SPTBN5: variants seen among roughly 807,000 people sequenced by gnomAD.
SPTBN5 encodes the protein spectrin beta chain, non-erythrocytic 5.
Under a neutral mutation model 477.6 loss-of-function variants are expected in SPTBN5, and 513 were observed. The ratio of observed to expected loss-of-function variants is 1.07; its 90% CI spans 1.00 to 1.16. The LOEUF (loss-of-function observed/expected upper bound fraction) is 1.16. Among genes scored for constraint, SPTBN5 ranks in the 50% most tolerant of loss-of-function variants. SPTBN5 has a pLI of 0.00. For synonymous variants in SPTBN5, 2,169 were observed against 2,011.7 expected (o/e 1.08, Z -2.09); for missense variants, 5,062 against 4,731.8 (o/e 1.07, Z -2.05).
At position 41,853,646 on chromosome 15, in the gene SPTBN5, G is replaced by C; in HGVS notation, c.9916C>G (p.Arg3306Gly). 1.3e-6 allele frequency: 2 copies of C among 1,594,360 alleles called. No homozygotes were observed. Among genetic ancestry groups the C allele is most frequent in the East Asian group, 2.2e-5 (1 of 44,448 alleles). Residue 3306 changes from arginine to glycine, a missense_variant, in exon 58 of 68, where the codon CGA becomes GGA. Transcript: ENST00000320955. ...GCAGCCTGCGCCAGCCACTGGCCTC[G>C]CTCCTGGGCCTTCGCCTGCAGGGTG... ...WATLQAKAQE[R>G]GQWLAQAAQG...
At chr15:41,882,514 G>A (rs1000774736) in intron 10 of SPTBN5, 45 bp from the exon 11 acceptor site, 1 of 1,572,420 alleles carries the variant, frequency 6.4e-7, no homozygotes, top group Admixed American at 1.8e-5. Flanking sequence ...CAGAACAGGG[G>A]AGGGGGCCGG....
Position 41,877,226 on chromosome 15 carries a change from G to A in SPTBN5, c.3601C>T (p.Gln1201Ter), listed in dbSNP as rs770299845. The A allele has an allele frequency of 2.5e-6, 4 of 1,614,026 alleles. 1 individual carries two copies. The South Asian group carries it at 3.3e-5, about 13-fold the overall frequency. ...QELKVLWEQR[Q>*]QWLQEGLELQ... is the part of the protein sequence containing the mutation. Reference sequence around the variant, plus strand: ...TCCAGCCCCTCTTGCAGCCACTGCTGCCTCTGCTCCCACAAAACCTTCAGC... The same window carrying A: ...TCCAGCCCCTCTTGCAGCCACTGCTACCTCTGCTCCCACAAAACCTTCAGC... The change falls in exon 18 of 68, where the codon CAG (glutamine) becomes TAG (stop). Residue 1201 changes from glutamine to a stop codon, truncating the protein, a stop_gained. Coordinates refer to ENST00000320955, the MANE Select transcript of SPTBN5 (RefSeq NM_016642.4). LOFTEE classifies it high-confidence loss of function.
chr15:41,857,952 G>C (rs2065977230), intron 49 of SPTBN5, among the ~76,000 whole-genome samples: 1 of 152,194 alleles, frequency 6.6e-6, no homozygotes, highest in Non-Finnish European at 1.5e-5. Context: ...ATATCAGAGG[G>C]AGCCAGCCTG....
In SPTBN5 at chr15:41,875,598, T is replaced by A; in HGVS notation, c.4147A>T (p.Arg1383Trp). Residue 1383 changes from arginine to tryptophan, a missense_variant, in exon 22 of 68, where the codon AGG (arginine) becomes TGG (tryptophan). Coordinates refer to ENST00000320955, the MANE Select transcript of SPTBN5 (RefSeq NM_016642.4). ...QQVGRELLSR[R>W]PCGQEDIQTR... Reference sequence around the variant, plus strand: ...TGTATGTCCTCCTGGCCACAGGGCCTCCTACTCAACAGCTCTCTCCCAACC... The same window carrying A: ...TGTATGTCCTCCTGGCCACAGGGCCACCTACTCAACAGCTCTCTCCCAACC... 1 of 1,597,804 alleles carries A rather than the reference T, an allele frequency of 6.3e-7. No homozygotes were observed. The highest frequency in any genetic ancestry group is 1.3e-5 in the African/African-American group (1 of 74,770).
In SPTBN5 at chr15:41,882,983, G is replaced by T; in HGVS notation, c.1892+13C>A. ...GTTCTGGGAAAGGTGGAAGAGTTGG[G>T]GCAGGCTCTTACCGGGCCCTGACAA... On this transcript the variant is annotated intron_variant, in intron 9 of 67. Coordinates refer to ENST00000320955, the MANE Select transcript of SPTBN5 (RefSeq NM_016642.4). 1 of 1,530,534 alleles carries T rather than the reference G, an allele frequency of 6.5e-7. No homozygotes were observed. Among genetic ancestry groups the T allele is most frequent in the Non-Finnish European group, 8.8e-7 (1 of 1,140,864 alleles). 94.8% of individuals were successfully genotyped at this position (1,530,534 alleles called of 1,614,324 possible).
At chr15:41,852,559 G>A (rs1328997894) in intron 61 of SPTBN5, 75 bp downstream of exon 61, 4 of 1,477,968 alleles carry the variant, frequency 2.7e-6, no homozygotes, top group Non-Finnish European at 3.8e-6. Flanking sequence ...TCAGTGCCCT[G>A]GGAGACACTG....
intron 66 of SPTBN5, 141 bp from the exon 67 acceptor site, chr15:41,850,100 G>A (rs1422811172): frequency 2.8e-6 from 2 of 713,820 alleles, no homozygotes; most frequent in African/African-American, 1.8e-5. Flanking sequence ...CCACGTGGGG[G>A]TGTGGGGCGG....
At position 41,879,932 on chromosome 15, in the gene SPTBN5, GA is replaced by G. The variant is rs2140956911; in HGVS notation, c.2812-69del. On this transcript the variant is annotated intron_variant, in intron 14 of 67. Transcript: ENST00000320955. ...CTTTCCACACTCCCCTCTAGCCTATGACGGACCTGAGTGGTGCTCTCTGCTA... is the reference window on the plus strand; with the variant it reads ...CTTTCCACACTCCCCTCTAGCCTATGCGGACCTGAGTGGTGCTCTCTGCTA... The G allele has an allele frequency of 3.8e-6, 6 of 1,589,190 alleles. No homozygotes were observed. In the East Asian group the frequency reaches 1.4e-4, roughly 36 times the overall value.
rs1255317252 is a variant in SPTBN5, at chr15:41,879,251, T to C, written c.3182+9A>G. On this transcript the variant is annotated intron_variant, in intron 16 of 67. Transcript: ENST00000320955. ...CTGCCTCCCAATGCCACCACTGCGC[T>C]GGCCGTACTTTACGACCACACTTTG... 8.7e-6 allele frequency: 14 copies of C among 1,605,504 alleles called. No homozygotes were observed. The highest frequency in any genetic ancestry group is 5.3e-5 in the African/African-American group (4 of 74,804).
Position 41,854,038 on chromosome 15 carries a change from C to T in SPTBN5, c.9774+12G>A, listed in dbSNP as rs770658959. On this transcript the variant is annotated intron_variant, in intron 57 of 67. Transcript: ENST00000320955. ...GGGCTCAGACAGGCAGGCTGCAGGGCGTGGGCCTCACCTCCAGGCGCCTGT... is the reference window on the plus strand; with the variant it reads ...GGGCTCAGACAGGCAGGCTGCAGGGTGTGGGCCTCACCTCCAGGCGCCTGT... 69 of 1,552,490 alleles carry T rather than the reference C, an allele frequency of 4.4e-5. No homozygotes were observed. Among genetic ancestry groups the T allele is most frequent in the Middle Eastern group, 3.7e-4 (2 of 5,476 alleles).
chr15:41,870,158 GACAGTGGAAAATCTAGAGGA>G, intron 31 of SPTBN5, 65 bp downstream of exon 31: 1 of 1,481,656 alleles, frequency 6.7e-7, no homozygotes, highest in Non-Finnish European at 9.0e-7. Flanking sequence ...GGCCCTGAGG[GACAGTGGAAAATCTAGAGGA>G]ACAGGCAGGC....
rs1369858048 is a variant in SPTBN5 at position 41,858,179 on chromosome 15, T to G, written c.8226+423A>C. Among the ~76,000 whole-genome samples the G allele has an allele frequency of 1.3e-5, 2 of 152,272 alleles. 1 individual carries two copies. Among genetic ancestry groups the G allele is most frequent in the South Asian group, 4.1e-4 (2 of 4,822 alleles). On this transcript the variant is annotated intron_variant, in intron 49 of 67. Coordinates refer to ENST00000320955, the MANE Select transcript of SPTBN5 (RefSeq NM_016642.4). ...TGGATGTAGTGGTGTGGGCCTGTGA[T>G]CCCAGCTACTTGGGAGGCTGAGCTG...
chr15:41,857,603 C>A lies in SPTBN5; in HGVS notation c.8334G>T (p.Lys2778Asn). ...LWGELQDNSQ[K>N]KVAKLQKACE... ...AGGCCTTCTGGAGCTTGGCCACCTT[C>A]TTCTGGGAGTTGTCTTGCAGCTCAC... Residue 2778 changes from lysine to asparagine, a missense_variant, in exon 50 of 68, where the codon AAG becomes AAT. Coordinates refer to ENST00000320955, the MANE Select transcript of SPTBN5 (RefSeq NM_016642.4). 6.2e-7 allele frequency: 1 copy of A among 1,608,902 alleles called. No homozygotes were observed. The highest frequency in any genetic ancestry group is 8.5e-7 in the Non-Finnish European group (1 of 1,177,818).
Position 41,854,797 on chromosome 15 carries a change from T to G in SPTBN5, c.9603A>C (p.Ile3201=). The G allele has an allele frequency of 6.5e-7, 1 of 1,548,772 alleles. No homozygotes were observed. The highest frequency in any genetic ancestry group is 1.2e-5 in the South Asian group (1 of 81,772). The change falls in exon 56 of 68, where the codon ATA becomes ATC. Residue 3201 remains isoleucine, a synonymous_variant. Transcript: ENST00000320955. ...GATCACCTACCTCTGTGCGGGCTTT[T>G]ATTGCTTGGTCCAACCTCTCCCAAG... ...EAAWERLDQA[I]KARTENLAAA...
chr15:41,865,715 G>T, intron 39 of SPTBN5, 93 bp downstream of exon 39: 1 of 1,184,128 alleles, frequency 8.4e-7, no homozygotes, highest in Non-Finnish European at 1.2e-6. Context: ...TGGCGCCCAC[G>T]CCCTGCTCTA....
At chr15:41,891,021 G>A (rs868621633) in intron 3 of SPTBN5, among the ~76,000 whole-genome samples, 1 of 152,234 alleles carries the variant, frequency 6.6e-6, no homozygotes, top group African/African-American at 2.4e-5. Context: ...ATTCTCCCAG[G>A]TATCTGCATG....
intron 67 of SPTBN5, 100 bp downstream of exon 67, chr15:41,849,769 G>GT (rs764707126): frequency 2.2e-6 from 2 of 910,754 alleles, no homozygotes; most frequent in South Asian, 1.4e-5. Context: ...GCCCAACAGA[G>GT]TAAGTCTGAG....
chr15:41,887,549 G>T, intron 5 of SPTBN5, 108 bp from the exon 6 acceptor site: 1 of 907,972 alleles, frequency 1.1e-6, no homozygotes, highest in Non-Finnish European at 1.7e-6. Context: ...ATCTTCTTGT[G>T]AATTCGTTTT....
In SPTBN5 at chr15:41,862,241, C is replaced by T; in HGVS notation, c.7437G>A (p.Leu2479=). 6.2e-7 allele frequency: 1 copy of T among 1,611,416 alleles called. No homozygotes were observed. Among genetic ancestry groups the T allele is most frequent in the Non-Finnish European group, 8.5e-7 (1 of 1,179,024 alleles). The part of the protein sequence containing the change: ...LHQAQKLQAM[L]QELLVSAQRL... The stretch of plus-strand genomic sequence containing the variant: ...TCTGGGCGCTGACCAGCAATTCCTG[C>T]AGCATTGCCTGGAGTTTCTGAGCTT... Residue 2479 remains leucine (L), a synonymous_variant, in exon 44 of 68, where the codon CTG becomes CTA. Coordinates refer to ENST00000320955, the MANE Select transcript of SPTBN5 (RefSeq NM_016642.4).
Sources: gnomAD v4.1 joint callset for allele counts (sites outside exome capture counted in the v4.1 genomes callset) on GRCh38, gnomAD v4.1.1 for gene constraint, MANE v1.5 for transcripts, NCBI Gene and HGNC (gene_info 2026-07-23, HGNC 2026-07-21) for gene names.